The following KDM1A variants were observed in gnomAD, a reference collection of about 807,000 sequenced individuals.
KDM1A encodes the protein lysine demethylase 1A, also known as lysine-specific histone demethylase 1A.
KDM1A carries 49 observed loss-of-function variants against 109.4 expected under a neutral mutation model. The ratio of observed to expected loss-of-function variants is 0.45; its 90% CI spans 0.36 to 0.57. The LOEUF is 0.57. Ranked by LOEUF, KDM1A falls within the 20% of genes least tolerant of loss-of-function variation. KDM1A has a pLI of 0.00. For missense variants in KDM1A, 668 were observed against 1,116.6 expected, an observed-to-expected ratio of 0.60 and a Z score of 5.73; for synonymous variants, 380 against 415.4, an observed-to-expected ratio of 0.91 and a Z score of 1.04.
chr1:23,056,551 C>A (rs186545619), intron 7 of KDM1A, among the ~76,000 whole-genome samples: 1 of 152,050 alleles, frequency 6.6e-6, no homozygotes, highest in Admixed American at 6.6e-5. Flanking sequence ...ACTATTCAAG[C>A]TATTTTCATG....
chr1:23,077,363 A>G lies in KDM1A; in HGVS notation c.1867+3A>G. ...ACAGGTTCGCTACACGGCTTCAGGTATGTCACTGCTTTACAAAAGGTAAGA... is the reference window on the plus strand; with the variant it reads ...ACAGGTTCGCTACACGGCTTCAGGTGTGTCACTGCTTTACAAAAGGTAAGA... On this transcript the variant is annotated splice_donor_region_variant and intron_variant, in intron 16 of 20. Coordinates refer to ENST00000400181, the MANE Select transcript of KDM1A (RefSeq NM_001009999.3). The G allele has an allele frequency of 6.2e-7, 1 of 1,610,192 alleles. No homozygotes were observed. The highest frequency in any genetic ancestry group is 8.5e-7 in the Non-Finnish European group (1 of 1,177,522).
In KDM1A at chr1:23,032,092, C is replaced by T. The variant is rs1642001789; in HGVS notation, c.517+1458C>T. Among the ~76,000 whole-genome samples the T allele has an allele frequency of 2.0e-5, 3 of 151,450 alleles. No homozygotes were observed. The South Asian group carries it at 6.2e-4, about 31-fold the overall frequency. On this transcript the variant is annotated intron_variant, in intron 2 of 20. Transcript: ENST00000400181. ...TGTGTTCTTTTTGGTTCTTACCTTT[C>T]TTCTACCTTTGCTGTAGACCTGCTA... is the stretch of plus-strand genomic sequence containing the variant.
At chr1:23,046,515 T>C (rs755889068) in intron 3 of KDM1A, among the ~76,000 whole-genome samples, 1 of 152,148 alleles carries the variant, frequency 6.6e-6, no homozygotes, top group Non-Finnish European at 1.5e-5. Flanking sequence ...TTCTTTTCTT[T>C]GTTAATTTTT....
intron 2 of KDM1A, among the ~76,000 whole-genome samples, chr1:23,037,396 A>C (rs1299439599): frequency 3.3e-5 from 5 of 152,090 alleles, no homozygotes; most frequent in African/African-American, 1.2e-4. Flanking sequence ...ATGTATAGAA[A>C]GTATGGTGAG....
intron 2 of KDM1A, 98 bp downstream of exon 2, chr1:23,030,732 G>T: frequency 1.5e-6 from 2 of 1,291,950 alleles, no homozygotes; most frequent in South Asian, 1.6e-5. Flanking sequence ...CTTTATCTTT[G>T]GTTTATAATA....
At chr1:23,029,591 G>C (rs915758201) in intron 1 of KDM1A, among the ~76,000 whole-genome samples, 2 of 152,048 alleles carry the variant, frequency 1.3e-5, no homozygotes, top group Non-Finnish European at 2.9e-5. Context: ...TTAGTAGTAA[G>C]ACCTGTATCC....
chr1:23,077,939 A>G (rs1643512777), intron 16 of KDM1A, among the ~76,000 whole-genome samples: 2 of 152,196 alleles, frequency 1.3e-5, no homozygotes, highest in Admixed American at 1.3e-4. Flanking sequence ...TGTGCTTGCT[A>G]TGGGGATAGG....
At chr1:23,060,811 CA>C (rs1307354608) in intron 9 of KDM1A, among the ~76,000 whole-genome samples, 2 of 151,946 alleles carry the variant, frequency 1.3e-5, no homozygotes, top group Non-Finnish European at 2.9e-5. Flanking sequence ...GGTTTGAGAA[CA>C]GGGGAAATGA....
intron 4 of KDM1A, among the ~76,000 whole-genome samples, chr1:23,051,624 T>A (rs1181265554): frequency 6.6e-6 from 1 of 152,350 alleles, no homozygotes; most frequent in East Asian, 1.9e-4. Flanking sequence ...TATCTTTTAT[T>A]CATCAGGAAT....
chr1:23,020,066 T>G, intron 1 of KDM1A, 119 bp downstream of exon 1: 1 of 1,091,408 alleles, frequency 9.2e-7, no homozygotes, highest in Non-Finnish European at 1.2e-6. Context: ...CCTCCCCTTG[T>G]ATCGCTGCGC....
At chr1:23,042,443 T>TTATTATTATTA (rs1247532481) in intron 2 of KDM1A, among the ~76,000 whole-genome samples, 9 of 8,640 alleles carry the variant, frequency 1.0e-3, no homozygotes, top group African/African-American at 2.7e-3. Flanking sequence ...ATATATTATT[T>TTATTATTATTA]TTTTTTTTTT....
At chr1:23,020,110 G>A (rs1641576792) in intron 1 of KDM1A, 163 bp downstream of exon 1, 1 of 765,984 alleles carries the variant, frequency 1.3e-6, no homozygotes, top group Non-Finnish European at 1.8e-6. Flanking sequence ...CGGGTGGGGT[G>A]AGAAAGGAAA....
At chr1:23,056,084 T>C in intron 7 of KDM1A, 46 bp downstream of exon 7, 1 of 1,262,506 alleles carries the variant, frequency 7.9e-7, no homozygotes, top group Non-Finnish European at 1.2e-6. Context: ...ATTGGAAATA[T>C]GGTAAGCAAA....
At chr1:23,051,963 G>A (rs940391035) in intron 4 of KDM1A, among the ~76,000 whole-genome samples, 3 of 152,172 alleles carry the variant, frequency 2.0e-5, no homozygotes, top group African/African-American at 7.2e-5. Context: ...GTGTGTAGTC[G>A]CTGATTTGTC....
rs1569724096 is a variant in KDM1A at position 23,050,333 on chromosome 1, C to T, written c.578-54C>T. The T allele has an allele frequency of 8.5e-6, 13 of 1,535,712 alleles. No homozygotes were observed. In the East Asian group the frequency reaches 1.4e-4, roughly 17 times the overall value. ...CAAAGGAATTTAAGCGTCATCACTACCCGTTTTGTATTCACTTGCACTTTT... is the reference window on the plus strand; with the variant it reads ...CAAAGGAATTTAAGCGTCATCACTATCCGTTTTGTATTCACTTGCACTTTT... On this transcript the variant is annotated intron_variant, in intron 3 of 20. Transcript: ENST00000400181.
chr1:23,083,608 A>G lies in KDM1A; in HGVS notation c.*244A>G. 5.4e-6 allele frequency: 2 copies of G among 371,972 alleles called. No individual in the cohort carries two copies. Among genetic ancestry groups the G allele is most frequent in the Non-Finnish European group, 9.7e-6 (2 of 206,264 alleles). The allele number at this position is 371,972 out of a possible 1,614,324, so 23.0% of individuals were successfully genotyped here. ...AAGACTGAGGCAAGCAAGTGCTGTG[A>G]AATAACATCATCTTAGTCCCTTGGT... On this transcript the variant is annotated 3_prime_UTR_variant, in exon 21 of 21. Coordinates refer to ENST00000400181, the MANE Select transcript of KDM1A (RefSeq NM_001009999.3).
At chr1:23,080,707 C>T (rs1234185505) in intron 18 of KDM1A, among the ~76,000 whole-genome samples, 1 of 152,178 alleles carries the variant, frequency 6.6e-6, no homozygotes, top group Non-Finnish European at 1.5e-5. Flanking sequence ...GGTGCTGCTT[C>T]TCCCACCCCC....
intron 1 of KDM1A, among the ~76,000 whole-genome samples, chr1:23,028,532 C>G (rs918731060): frequency 6.6e-6 from 1 of 152,100 alleles, no homozygotes; most frequent in African/African-American, 2.4e-5. Flanking sequence ...TTGTCCAGTT[C>G]CATATTAGGT....
intron 13 of KDM1A, among the ~76,000 whole-genome samples, chr1:23,071,867 G>A (rs1643330333): frequency 6.6e-6 from 1 of 152,106 alleles, no homozygotes; most frequent in African/African-American, 2.4e-5. Context: ...CCACTTTGCA[G>A]CACACTAGTA....
Sources: gnomAD v4.1 joint callset for allele counts (sites outside exome capture counted in the v4.1 genomes callset) on GRCh38, gnomAD v4.1.1 for gene constraint, MANE v1.5 for transcripts, NCBI Gene and HGNC (gene_info 2026-07-23, HGNC 2026-07-21) for gene names.